Variants in FAM120B observed in about 807,000 individuals in gnomAD.
The protein encoded by FAM120B is family with sequence similarity 120 member B.
In FAM120B, 83 loss-of-function variants were observed where a neutral mutation model predicts 96.3. That is an observed-to-expected ratio of 0.86 (90% CI 0.72 to 1.03). The LOEUF is 1.03. FAM120B is among the 50% of genes least tolerant of loss of function. The pLI is 0.00. For missense variants in FAM120B, 1,027 were observed against 1,121.2 expected, an observed-to-expected ratio of 0.92 and a Z score of 1.20; for synonymous variants, 407 against 402.7, an observed-to-expected ratio of 1.01 and a Z score of -0.13.
chr6:170,296,301 C>T (rs1160069052), intron 1 of FAM120B, among the ~76,000 whole-genome samples: 1 of 152,154 alleles, frequency 6.6e-6, no homozygotes, highest in Non-Finnish European at 1.5e-5. Flanking sequence ...CGCTGAGATC[C>T]GCGACGGGGA....
intron 1 of FAM120B, among the ~76,000 whole-genome samples, chr6:170,298,685 A>G (rs1372634545): frequency 6.6e-6 from 1 of 152,210 alleles, no homozygotes; most frequent in African/African-American, 2.4e-5. Context: ...GAACCATCAC[A>G]AACTATGATT....
rs778707437 is a variant in FAM120B, at chr6:170,334,571, T to TGTGTGC, written c.2017+4024_2017+4025insTGCGTG. 4.6e-3 allele frequency among the ~76,000 whole-genome samples: 702 copies of TGTGTGC among 151,876 alleles called. 4 individuals carry two copies. The highest frequency in any genetic ancestry group is 0.023 in the South Asian group (111 of 4,810). The stretch of plus-strand genomic sequence containing the variant: ...TGGTGTGTGTGTGTGTGTGTGTGTG[T>TGTGTGC]GTGCACATGCCCTTAAGGAAGCTGG... On this transcript the variant is annotated intron_variant, in intron 4 of 10. Coordinates refer to ENST00000476287, the MANE Select transcript of FAM120B (RefSeq NM_032448.3).
At chr6:170,293,991 G>A (rs1029196447), upstream of FAM120B, among the ~76,000 whole-genome samples, 8 of 152,048 alleles carry the variant, frequency 5.3e-5, no homozygotes, top group African/African-American at 1.9e-4. Context: ...TTAGGGATTC[G>A]AGCTGGAGGG....
rs775106136 is a variant in FAM120B at position 170,358,175 on chromosome 6, AT to A, written c.2191-50del. On this transcript the variant is annotated intron_variant, in intron 5 of 10. Coordinates refer to ENST00000476287, the MANE Select transcript of FAM120B (RefSeq NM_032448.3). ...AATAACTGAGATCAATTTGTAAGAA[AT>A]GTTTAATTTTTCCTGTAGCCTAACA... 22 of 1,430,740 alleles carry A rather than the reference AT, an allele frequency of 1.5e-5. 1 individual carries two copies. Among genetic ancestry groups the A allele is most frequent in the East Asian group, 4.8e-5 (2 of 41,406 alleles). The allele number at this position is 1,430,740 out of a possible 1,614,324, so 88.6% of individuals were successfully genotyped here.
intron 6 of FAM120B, among the ~76,000 whole-genome samples, chr6:170,382,481 T>A (rs975146552): frequency 2.0e-5 from 3 of 152,120 alleles, no homozygotes; most frequent in Non-Finnish European, 4.4e-5. Flanking sequence ...ATACCAAAAA[T>A]CACTTGCATT....
Position 170,370,318 on chromosome 6 carries a change from C to T in FAM120B, c.2283+12000C>T, listed in dbSNP as rs1048664611. On this transcript the variant is annotated intron_variant, in intron 6 of 10. Coordinates refer to ENST00000476287, the MANE Select transcript of FAM120B (RefSeq NM_032448.3). The surrounding 1 kb of genome is among the most constrained non-coding windows in gnomAD (Gnocchi z 4.3). ...CTTTTCTGAGACGCAGCTACGTCCC[C>T]GAGCTCTTTGTGGAAGACAGGGAAA... is the stretch of plus-strand genomic sequence containing the variant. 2.0e-5 allele frequency among the ~76,000 whole-genome samples: 3 copies of T among 152,216 alleles called. No homozygotes were observed. The highest frequency in any genetic ancestry group is 1.9e-4 in the East Asian group (1 of 5,192).
At chr6:170,389,200 G>A (rs547366309) in intron 7 of FAM120B, among the ~76,000 whole-genome samples, 3 of 152,264 alleles carry the variant, frequency 2.0e-5, no homozygotes, top group East Asian at 1.9e-4. Flanking sequence ...TTGGGGCTGA[G>A]ACCCAAATCT....
intron 6 of FAM120B, among the ~76,000 whole-genome samples, chr6:170,384,286 T>A (rs986510402): frequency 6.6e-6 from 1 of 152,180 alleles, no homozygotes; most frequent in Non-Finnish European, 1.5e-5. Context: ...TATTGCCCTG[T>A]AGTATGTCAG....
chr6:170,310,403 T>C (rs1326891859), intron 1 of FAM120B, among the ~76,000 whole-genome samples: 1 of 152,184 alleles, frequency 6.6e-6, no homozygotes, highest in Non-Finnish European at 1.5e-5. Flanking sequence ...ACAGGGTGGC[T>C]CTGTGGTGAG....
At chr6:170,334,696 C>G (rs1221271569) in intron 4 of FAM120B, among the ~76,000 whole-genome samples, 1 of 152,150 alleles carries the variant, frequency 6.6e-6, no homozygotes, top group African/African-American at 2.4e-5. Context: ...GTTAAAATCT[C>G]AAAAGCAGTT....
intron 4 of FAM120B, among the ~76,000 whole-genome samples, chr6:170,345,776 G>A (rs1253325161): frequency 1.3e-5 from 2 of 151,876 alleles, no homozygotes; most frequent in East Asian, 1.9e-4. Context: ...AACCTGTAGG[G>A]AGTGAGTAAG....
intron 3 of FAM120B, among the ~76,000 whole-genome samples, chr6:170,329,423 T>C (rs1785846326): frequency 6.6e-6 from 1 of 152,198 alleles, no homozygotes; most frequent in Non-Finnish European, 1.5e-5. Flanking sequence ...GTGTTGATGG[T>C]AGGAAGGCTG....
upstream of FAM120B, among the ~76,000 whole-genome samples, chr6:170,305,737 G>A (rs1419623616): frequency 1.3e-5 from 2 of 152,278 alleles, no homozygotes; most frequent in East Asian, 3.9e-4. Flanking sequence ...TCACTCACAC[G>A]TGCCTGCCAA....
chr6:170,323,584 G>A lies in FAM120B; in HGVS notation c.1915+325G>A, dbSNP rs572848197. On this transcript the variant is annotated intron_variant, in intron 3 of 10. Coordinates refer to ENST00000476287, the MANE Select transcript of FAM120B (RefSeq NM_032448.3). ...ATGTGAGAATTCTTTCCTCCTGTAGGGGAGAGTAGAGTATGCCTATTATTA... is the reference window on the plus strand; with the variant it reads ...ATGTGAGAATTCTTTCCTCCTGTAGAGGAGAGTAGAGTATGCCTATTATTA... 6.2e-4 allele frequency among the ~76,000 whole-genome samples: 94 copies of A among 152,164 alleles called. 1 individual carries two copies. Among genetic ancestry groups the A allele is most frequent in the Non-Finnish European group, 9.9e-4 (67 of 68,016 alleles).
chr6:170,311,265 A>G (rs1218349654), intron 1 of FAM120B, among the ~76,000 whole-genome samples: 1 of 152,244 alleles, frequency 6.6e-6, no homozygotes, highest in East Asian at 1.9e-4. Context: ...TAGACATTTT[A>G]GCATGGTTTG....
intron 8 of FAM120B, 142 bp downstream of exon 8, chr6:170,391,263 G>A (rs531646216): frequency 2.4e-5 from 16 of 656,026 alleles, no homozygotes; most frequent in African/African-American, 1.1e-4. Flanking sequence ...GGCCGGGTGC[G>A]GTGGCTCACG....
intron 6 of FAM120B, among the ~76,000 whole-genome samples, chr6:170,386,150 G>A (rs1033220242): frequency 2.5e-4 from 38 of 152,144 alleles, no homozygotes; most frequent in African/African-American, 7.5e-4. Flanking sequence ...TGGGTTTGCC[G>A]ATTGTAACAA....
Position 170,330,543 on chromosome 6 carries a change from C to G in FAM120B, c.2010C>G (p.Thr670=), listed in dbSNP as rs1785949062. 6.2e-7 allele frequency: 1 copy of G among 1,612,928 alleles called. No individual in the cohort carries two copies. The highest frequency in any genetic ancestry group is 8.5e-7 in the Non-Finnish European group (1 of 1,179,006). ...HPDLVRPLQM[T]IPGGTPSLKI... is the part of the protein sequence containing the mutation. ...ACCTCGTCAGGCCGCTGCAGATGAC[C>G]ATTCCAGGTACAGGCAGCCTTTCTT... Residue 670 remains threonine, a synonymous_variant, in exon 4 of 11, where the codon ACC becomes ACG. Coordinates refer to ENST00000476287, the MANE Select transcript of FAM120B (RefSeq NM_032448.3).
intron 6 of FAM120B, among the ~76,000 whole-genome samples, chr6:170,374,829 T>C (rs867443757): frequency 2.8e-4 from 43 of 152,252 alleles, no homozygotes; most frequent in African/African-American, 1.0e-3. Context: ...TTGCAGCATG[T>C]CATAGCAGCT....
Sources: allele counts gnomAD v4.1 joint callset (sites outside exome capture counted in the v4.1 genomes callset), GRCh38; gene constraint gnomAD v4.1.1; non-coding constraint Gnocchi (gnomAD v3.1); transcripts MANE v1.5; gene names NCBI Gene and HGNC (gene_info 2026-07-23, HGNC 2026-07-21).